Variants in MTUS1 observed in about 807,000 individuals in gnomAD.
MTUS1 encodes microtubule-associated tumor suppressor 1.
A neutral mutation model predicts 120.8 loss-of-function variants in MTUS1; 109 were observed. The ratio of observed to expected loss-of-function variants is 0.90; its 90% confidence interval spans 0.77 to 1.06. MTUS1 has a LOEUF of 1.06. MTUS1 is among the 50% of genes least tolerant of loss of function. The probability of loss-of-function intolerance (pLI) is 0.00; values close to 1 mark genes in which losing one functional copy is unlikely to be tolerated. For synonymous variants in MTUS1, 737 were observed against 550.5 expected (o/e 1.34, Z -4.74); for missense variants, 2,210 against 1,486.3 (o/e 1.49, Z -8.01).
chr8:17,786,516 C>T (rs1421032126), intron 1 of MTUS1, among the ~76,000 whole-genome samples: 1 of 151,822 alleles, frequency 6.6e-6, no homozygotes, highest in Non-Finnish European at 1.5e-5. Context: ...ACTTAAAATC[C>T]TCAAGGAGAT....
chr8:17,672,375 T>C (rs969410386), intron 8 of MTUS1, among the ~76,000 whole-genome samples: 1 of 152,116 alleles, frequency 6.6e-6, no homozygotes, highest in Non-Finnish European at 1.5e-5. Context: ...GAGGATGAAA[T>C]TGGGACAGAA....
In MTUS1 at chr8:17,645,055, ACAGT is replaced by A. The variant is rs1805517330; in HGVS notation, c.*867_*870del. ...GGTACTTCCCTTTTTCTTTCTTTAC[ACAGT>A]TAGTTAGTTAGTTTGTTTTTTTATA... On this transcript the variant is annotated 3_prime_UTR_variant, in exon 15 of 15. Transcript: ENST00000693296. The A allele has an allele frequency of 4.5e-5, 1 of 22,346 alleles. No homozygotes were observed. Among genetic ancestry groups the A allele is most frequent in the Non-Finnish European group, 1.6e-4 (1 of 6,108 alleles). 1.4% of individuals were successfully genotyped at this position (22,346 alleles called of 1,614,324 possible). A position where few individuals can be genotyped will look rare whatever the true frequency, so the allele number is the denominator to read the frequency against.
intron 6 of MTUS1, chr8:17,705,949 G>C (rs1233077315): frequency 6.6e-6 from 1 of 152,122 alleles, no homozygotes; most frequent in African/African-American, 2.4e-5. Context: ...TGGTATGTGT[G>C]ACATCTTCCT....
At chr8:17,746,509 A>G (rs888219912) in intron 2 of MTUS1, among the ~76,000 whole-genome samples, 2 of 152,166 alleles carry the variant, frequency 1.3e-5, no homozygotes, top group Non-Finnish European at 2.9e-5. Flanking sequence ...GGCAGCAGAC[A>G]AGAGAGAATA....
chr8:17,727,459 C>T (rs535249677), intron 3 of MTUS1, among the ~76,000 whole-genome samples: 1 of 152,176 alleles, frequency 6.6e-6, no homozygotes, highest in Non-Finnish European at 1.5e-5. Flanking sequence ...GGAGCTCTTA[C>T]TGGACAGGAG....
Position 17,795,826 on chromosome 8 carries a change from G to A in MTUS1, c.-155+5235C>T, listed in dbSNP as rs528808354. On this transcript the variant is annotated intron_variant, in intron 1 of 14. Coordinates refer to ENST00000693296, the MANE Select transcript of MTUS1 (RefSeq NM_001363059.2). Reference sequence around the variant, plus strand: ...CTACTTTTGTATTTTTAGTAGAGTCGGGTTTCACCATGTTAGCCAAGCTGG... The same window carrying A: ...CTACTTTTGTATTTTTAGTAGAGTCAGGTTTCACCATGTTAGCCAAGCTGG... 4.7e-4 allele frequency among the ~76,000 whole-genome samples: 71 copies of A among 151,954 alleles called. No individual in the cohort carries two copies. In the Middle Eastern group the frequency reaches 0.038, roughly 81 times the overall value.
chr8:17,689,893 G>T (rs1221859210), intron 6 of MTUS1, among the ~76,000 whole-genome samples: 1 of 114,090 alleles, frequency 8.8e-6, no homozygotes, highest in Non-Finnish European at 1.7e-5. Context: ...AGACTTAAAC[G>T]TAAGACCTGA....
chr8:17,727,696 A>G (rs916786502), intron 3 of MTUS1, among the ~76,000 whole-genome samples: 1 of 152,248 alleles, frequency 6.6e-6, no homozygotes, highest in African/African-American at 2.4e-5. Context: ...TTACCAGGTC[A>G]TATCGTATTG....
chr8:17,789,618 T>C (rs770462287), intron 1 of MTUS1, among the ~76,000 whole-genome samples: 5 of 152,178 alleles, frequency 3.3e-5, no homozygotes, highest in Non-Finnish European at 7.3e-5. Flanking sequence ...GTTACGCAAG[T>C]TGGCACCTCA....
chr8:17,644,708 C>G lies in MTUS1; in HGVS notation c.*1218G>C, dbSNP rs1193019699. On this transcript the variant is annotated 3_prime_UTR_variant, in exon 15 of 15. Coordinates refer to ENST00000693296, the MANE Select transcript of MTUS1 (RefSeq NM_001363059.2). ...ATCATCGGTAAGCACTGAATCCTAC[C>G]TTTCTTAATTATACTAGCCAATGAC... 1 of 152,170 alleles carries G rather than the reference C, an allele frequency of 6.6e-6. No homozygotes were observed. The highest frequency in any genetic ancestry group is 2.4e-5 in the African/African-American group (1 of 41,444). The allele number at this position is 152,170 out of a possible 1,614,324, so 9.4% of individuals were successfully genotyped here.
chr8:17,790,289 C>T (rs558624300), intron 1 of MTUS1, among the ~76,000 whole-genome samples: 2 of 150,364 alleles, frequency 1.3e-5, no homozygotes, highest in East Asian at 3.9e-4. Flanking sequence ...CAGAGGTTGC[C>T]ATGAGCCGAG....
Position 17,754,851 on chromosome 8 carries a change from A to T in MTUS1, c.957T>A (p.Asn319Lys), listed in dbSNP as rs776665169. 1 of 1,614,234 alleles carries T rather than the reference A, an allele frequency of 6.2e-7. No homozygotes were observed. Among genetic ancestry groups the T allele is most frequent in the Non-Finnish European group, 8.5e-7 (1 of 1,180,038 alleles). ...EFFCLSHDES[N>K]SEPHSQSSYR... ...ATGAGCTCTGTGAATGTGGTTCGCTATTGGATTCATCATGGGATAAACAAA... is the reference window on the plus strand; with the variant it reads ...ATGAGCTCTGTGAATGTGGTTCGCTTTTGGATTCATCATGGGATAAACAAA... Residue 319 changes from asparagine (N) to lysine (K), a missense_variant, in exon 2 of 15, where the codon AAT becomes AAA. Coordinates refer to ENST00000693296, the MANE Select transcript of MTUS1 (RefSeq NM_001363059.2).
chr8:17,718,730 T>A (rs1317431192), intron 4 of MTUS1, among the ~76,000 whole-genome samples: 2 of 152,016 alleles, frequency 1.3e-5, no homozygotes, highest in East Asian at 1.9e-4. Flanking sequence ...TATGCCAGAA[T>A]AACAGATTCT....
At chr8:17,769,429 G>A (rs2049842030) in intron 1 of MTUS1, among the ~76,000 whole-genome samples, 1 of 148,342 alleles carries the variant, frequency 6.7e-6, no homozygotes, top group Non-Finnish European at 1.5e-5. Flanking sequence ...CTCACTGCAA[G>A]CTCCGCCTCC....
At chr8:17,801,490 C>G (rs1346876117), upstream of MTUS1, 1 of 140,078 alleles carries the variant, frequency 7.1e-6, no homozygotes, top group African/African-American at 3.3e-5. Context: ...CTCGGGCGCT[C>G]CCGCTCTCCG....
At chr8:17,663,441 G>A (rs1306953952) in intron 8 of MTUS1, among the ~76,000 whole-genome samples, 1 of 152,174 alleles carries the variant, frequency 6.6e-6, no homozygotes, top group Non-Finnish European at 1.5e-5. Flanking sequence ...GGTTCATTAT[G>A]AGACGACCAA....
chr8:17,720,660 AGACC>A (rs2045765589), intron 4 of MTUS1, among the ~76,000 whole-genome samples: 4 of 152,336 alleles, frequency 2.6e-5, no homozygotes, highest in Admixed American at 2.6e-4. Flanking sequence ...CACTCTCCCA[AGACC>A]CCCTTCTAAA....
chr8:17,794,350 A>C (rs904738286), intron 1 of MTUS1, among the ~76,000 whole-genome samples: 9 of 152,180 alleles, frequency 5.9e-5, no homozygotes, highest in Non-Finnish European at 1.3e-4. Context: ...TAAAAGAAAA[A>C]AAAATCAAAC....
chr8:17,732,944 G>C (rs1419205659), intron 3 of MTUS1, among the ~76,000 whole-genome samples: 1 of 152,052 alleles, frequency 6.6e-6, no homozygotes, highest in Non-Finnish European at 1.5e-5. Context: ...TGATCTCCCT[G>C]TTCCTACTTC....
Sources: gnomAD v4.1 joint callset for allele counts (sites outside exome capture counted in the v4.1 genomes callset) on GRCh38, gnomAD v4.1.1 for gene constraint, MANE v1.5 for transcripts, NCBI Gene and HGNC (gene_info 2026-07-23, HGNC 2026-07-21) for gene names.